Variants in SOD2 observed in about 807,000 individuals in gnomAD.
SOD2 encodes the protein superoxide dismutase [Mn], mitochondrial.
SOD2 carries 11 observed loss-of-function variants against 27.0 expected under a neutral mutation model. The observed-to-expected ratio is 0.41, with a 90% CI of 0.26 to 0.67. The LOEUF is 0.67. Ranked by LOEUF, SOD2 falls within the 30% of genes least tolerant of loss-of-function variation. The probability of loss-of-function intolerance (pLI) is 0.34; values close to 1 mark genes in which losing one functional copy is unlikely to be tolerated. For missense variants in SOD2, 250 were observed against 274.5 expected (o/e 0.91, Z 0.63); for synonymous variants, 105 against 103.0 (o/e 1.02, Z -0.12).
chr6:159,721,996 C>T (rs2114839596), intron 1 of SOD2, among the ~76,000 whole-genome samples: 1 of 151,692 alleles, frequency 6.6e-6, no homozygotes, highest in East Asian at 1.9e-4. Flanking sequence ...TTATTTTATA[C>T]TTATTAGCTG....
At chr6:159,760,520 C>T (rs1395942126) in intron 1 of SOD2, 2 of 152,268 alleles carry the variant, frequency 1.3e-5, no homozygotes, top group Non-Finnish European at 2.9e-5. Context: ...ATCCGCCCTC[C>T]TCGGCCTCCC....
intron 1 of SOD2, chr6:159,755,188 T>C (rs1779956990): frequency 3.1e-6 from 5 of 1,614,046 alleles, no homozygotes; most frequent in Non-Finnish European, 3.4e-6. Flanking sequence ...GGACTACAGC[T>C]TCTGAACCTG....
intron 3 of SOD2, among the ~76,000 whole-genome samples, 186 bp from the exon 4 acceptor site, chr6:159,685,219 C>CTTTT (rs750824041): frequency 0.08 from 5,746 of 71,934 alleles, 301 homozygotes; most frequent in Non-Finnish European, 0.11. Context: ...ATAACTTCAA[C>CTTTT]TTTTTTTTTT....
intron 1 of SOD2, among the ~76,000 whole-genome samples, chr6:159,701,177 T>A (rs1245862295): frequency 2.6e-5 from 4 of 152,156 alleles, no homozygotes; most frequent in African/African-American, 9.7e-5. Context: ...TGCTCAAAGA[T>A]GAGCAGCAGC....
chr6:159,673,937 A>G lies in SOD2; in HGVS notation c.*8556T>C, dbSNP rs1291147821. The G allele has an allele frequency of 6.6e-6, 1 of 152,248 alleles. No individual in the cohort carries two copies. The highest frequency in any genetic ancestry group is 2.4e-5 in the African/African-American group (1 of 41,474). 9.4% of individuals were successfully genotyped at this position (152,248 alleles called of 1,614,324 possible). Reference sequence around the variant, plus strand: ...GGATATCACCACCAATCCCACAGAAATACAGAGTACACAGAGAATACTATA... The same window carrying G: ...GGATATCACCACCAATCCCACAGAAGTACAGAGTACACAGAGAATACTATA... On this transcript the variant is annotated 3_prime_UTR_variant, in exon 5 of 5. Coordinates refer to ENST00000538183, the MANE Select transcript of SOD2 (RefSeq NM_000636.4).
At chr6:159,761,990 C>A in exon 1 of SOD2, 1 of 1,394,950 alleles carries the variant, frequency 7.2e-7, no homozygotes, top group Non-Finnish European at 1.0e-6. Context: ...AGGGGCGGGG[C>A]TACCTCAGGT....
Position 159,688,242 on chromosome 6 carries a change from C to G in SOD2, c.227G>C (p.Gly76Ala). 1 of 1,583,464 alleles carries G rather than the reference C, an allele frequency of 6.3e-7. No homozygotes were observed. Among genetic ancestry groups the G allele is most frequent in the Non-Finnish European group, 8.7e-7 (1 of 1,152,238 alleles). Residue 76 changes from glycine to alanine, a missense_variant and splice_region_variant, in exon 3 of 5, where the codon GGA becomes GCA. Coordinates refer to ENST00000538183, the MANE Select transcript of SOD2 (RefSeq NM_000636.4). The part of the protein sequence containing the change: ...EEKYQEALAK[G>A]DVTAQIALQP... Reference sequence around the variant, plus strand: ...AAGAGCTATCTGGGCTGTAACATCTCCTGAAAAGTTAAAATGCAAACACAT... The same window carrying G: ...AAGAGCTATCTGGGCTGTAACATCTGCTGAAAAGTTAAAATGCAAACACAT...
intron 1 of SOD2, among the ~76,000 whole-genome samples, chr6:159,758,195 T>C (rs977542053): frequency 1.3e-5 from 2 of 152,164 alleles, no homozygotes; most frequent in African/African-American, 4.8e-5. Flanking sequence ...AGGCTCGATA[T>C]TTTGTTTTGT....
intron 1 of SOD2, among the ~76,000 whole-genome samples, chr6:159,737,188 A>G (rs967941995): frequency 1.3e-5 from 2 of 152,094 alleles, no homozygotes; most frequent in African/African-American, 4.8e-5. Flanking sequence ...TCTGGGGGCT[A>G]CAAGTACGTG....
chr6:159,721,346 C>A (rs1259327374), intron 1 of SOD2, among the ~76,000 whole-genome samples: 1 of 150,554 alleles, frequency 6.6e-6, no homozygotes, highest in Non-Finnish European at 1.5e-5. Flanking sequence ...GGATTACAGG[C>A]ATGAGCCACC....
rs1385318493 is a variant in SOD2, at chr6:159,755,730, TTTG to T, written c.-336+5304_-336+5306del. The T allele has an allele frequency of 3.8e-5, 48 of 1,251,792 alleles. No individual in the cohort carries two copies. The African/African-American group carries it at 5.9e-4, about 15-fold the overall frequency. 77.5% of individuals were successfully genotyped at this position (1,251,792 alleles called of 1,614,324 possible). ...TTGTGGGTGTACGTTTTGGTTTTTTTTTGTTGTTTTTTTTCTTTGTTTTTTTTT... is the reference window on the plus strand; with the variant it reads ...TTGTGGGTGTACGTTTTGGTTTTTTTTTGTTTTTTTTCTTTGTTTTTTTTT... On this transcript the variant is annotated intron_variant, in intron 1 of 7. Coordinates refer to the SOD2 transcript ENST00000546087.
At position 159,693,142 on chromosome 6, in the gene SOD2, C is replaced by T. The variant is rs1173613973; in HGVS notation, c.23+3G>A. On this transcript the variant is annotated splice_donor_region_variant and intron_variant, in intron 1 of 4. Transcript: ENST00000538183. ...GCCGTGACCGGGTCCCCTTTCTTCTCACCCGCACACTGCCCGGCTCAACAT... is the reference window on the plus strand; with the variant it reads ...GCCGTGACCGGGTCCCCTTTCTTCTTACCCGCACACTGCCCGGCTCAACAT... The T allele has an allele frequency of 2.6e-6, 4 of 1,533,856 alleles. No homozygotes were observed. The highest frequency in any genetic ancestry group is 2.0e-5 in the Admixed American group (1 of 49,456).
intron 1 of SOD2, among the ~76,000 whole-genome samples, chr6:159,701,448 A>G (rs1403509473): frequency 6.6e-6 from 1 of 152,002 alleles, no homozygotes; most frequent in Non-Finnish European, 1.5e-5. Context: ...GCACATGCCT[A>G]TAGTCCCAGC....
chr6:159,684,494 G>A (rs1158308541), intron 4 of SOD2, among the ~76,000 whole-genome samples: 2 of 152,136 alleles, frequency 1.3e-5, no homozygotes, highest in African/African-American at 4.8e-5. Context: ...GTATGTGCCT[G>A]TAATCCCAGC....
intron 1 of SOD2, chr6:159,738,884 A>G (rs563684093): frequency 7.4e-6 from 6 of 810,040 alleles, no homozygotes; most frequent in Middle Eastern, 2.6e-4. Context: ...CATAATATGT[A>G]CTGAGCCGTT....
chr6:159,736,942 A>G lies in SOD2; in HGVS notation c.-116+8188T>C, dbSNP rs183508188. Among the ~76,000 whole-genome samples the G allele has an allele frequency of 1.8e-3, 276 of 152,350 alleles. 2 individuals are homozygous for G. The highest frequency in any genetic ancestry group is 3.2e-3 in the Non-Finnish European group (221 of 68,030). ...CTTAATATTTAAGTGAATAATTTAG[A>G]TATTACAGAAGTTTCCTATTGTGGA... On this transcript the variant is annotated intron_variant, in intron 1 of 3. Coordinates refer to the SOD2 transcript ENST00000537657.
At chr6:159,702,676 A>AAAAAAAAAAAAG (rs1554260556) in intron 1 of SOD2, among the ~76,000 whole-genome samples, 1 of 143,044 alleles carries the variant, frequency 7.0e-6, no homozygotes, top group East Asian at 2.1e-4. Flanking sequence ...AAAAAAAAAA[A>AAAAAAAAAAAAG]AAAGAAAGAA....
chr6:159,751,992 C>T (rs535768007), intron 1 of SOD2, among the ~76,000 whole-genome samples: 32 of 150,548 alleles, frequency 2.1e-4, no homozygotes, highest in South Asian at 2.1e-4. Flanking sequence ...AGCCTGGGGA[C>T]GTCAAGGCTC....
At chr6:159,733,584 T>C (rs1033059482) in intron 1 of SOD2, among the ~76,000 whole-genome samples, 10 of 149,884 alleles carry the variant, frequency 6.7e-5, no homozygotes, top group Non-Finnish European at 1.2e-4. Context: ...ATCGCACCAC[T>C]GCACTGTGGT....
Sources: allele counts gnomAD v4.1 joint callset (sites outside exome capture counted in the v4.1 genomes callset), GRCh38; gene constraint gnomAD v4.1.1; transcripts MANE v1.5; gene names NCBI Gene and HGNC (gene_info 2026-07-23, HGNC 2026-07-21).